The following SIPA1L1 variants were observed in gnomAD, a reference collection of about 807,000 sequenced individuals.
The protein encoded by SIPA1L1 is signal-induced proliferation-associated 1-like protein 1.
Under a neutral mutation model 162.7 loss-of-function variants are expected in SIPA1L1, and 26 were observed. The observed-to-expected ratio is 0.16, with a 90% CI of 0.12 to 0.22. The LOEUF is 0.22. Ranked by LOEUF, SIPA1L1 falls within the 10% of genes least tolerant of loss-of-function variation. The probability of loss-of-function intolerance (pLI) is 1.00; values close to 1 mark genes in which losing one functional copy is unlikely to be tolerated. For missense variants in SIPA1L1, 1,874 were observed against 2,241.0 expected (o/e 0.84, Z 3.31); for synonymous variants, 829 against 837.4 (o/e 0.99, Z 0.17).
intron 2 of SIPA1L1, among the ~76,000 whole-genome samples, chr14:71,417,764 A>G (rs571016222): frequency 1.4e-4 from 22 of 152,236 alleles, no homozygotes; most frequent in African/African-American, 4.3e-4. Context: ...TGAAGGGTCA[A>G]CAGTGCTAGA....
chr14:71,457,030 C>G (rs568305301), intron 2 of SIPA1L1, among the ~76,000 whole-genome samples: 1 of 152,306 alleles, frequency 6.6e-6, no homozygotes, highest in African/African-American at 2.4e-5. Flanking sequence ...AATCCTACTG[C>G]CTTGGCCTCC....
intron 2 of SIPA1L1, among the ~76,000 whole-genome samples, chr14:71,394,391 A>T (rs577157148): frequency 1.5e-3 from 226 of 152,376 alleles, no homozygotes; most frequent in Non-Finnish European, 2.5e-3. Context: ...AATGGTTTGA[A>T]GTTACCAGAA....
intron 2 of SIPA1L1, among the ~76,000 whole-genome samples, chr14:71,455,180 A>T (rs902255723): frequency 6.6e-6 from 1 of 152,224 alleles, no homozygotes; most frequent in Non-Finnish European, 1.5e-5. Flanking sequence ...GTTAACTGTA[A>T]CAAGTTGGTT....
chr14:71,465,372 C>G (rs567535494), intron 2 of SIPA1L1, among the ~76,000 whole-genome samples: 37 of 152,320 alleles, frequency 2.4e-4, no homozygotes, highest in Admixed American at 2.4e-3. Flanking sequence ...AGCCAGGAGA[C>G]AGAATCCCTG....
At chr14:71,466,763 G>A (rs1434462834) in intron 2 of SIPA1L1, among the ~76,000 whole-genome samples, 1 of 152,118 alleles carries the variant, frequency 6.6e-6, no homozygotes, top group East Asian at 1.9e-4. Flanking sequence ...GACTAAAATG[G>A]ATGTTCATGG....
intron 4 of SIPA1L1, among the ~76,000 whole-genome samples, chr14:71,550,297 T>C (rs1051003630): frequency 3.3e-5 from 5 of 152,136 alleles, no homozygotes; most frequent in African/African-American, 7.2e-5. Flanking sequence ...AGGGAAATGA[T>C]GGACAATAAA....
intron 2 of SIPA1L1, among the ~76,000 whole-genome samples, chr14:71,506,108 C>T (rs1595813811): frequency 6.6e-6 from 1 of 151,990 alleles, no homozygotes; most frequent in East Asian, 1.9e-4. Context: ...CACACGTTGT[C>T]CCATTATTGT....
chr14:71,689,202 C>G (rs554374909), intron 13 of SIPA1L1, among the ~76,000 whole-genome samples: 1 of 152,022 alleles, frequency 6.6e-6, no homozygotes, highest in Non-Finnish European at 1.5e-5. Context: ...AATAAAAATT[C>G]TTTAGTTGGA....
At chr14:71,672,750 G>A in intron 12 of SIPA1L1, 128 bp downstream of exon 12, 2 of 1,042,272 alleles carry the variant, frequency 1.9e-6, no homozygotes, top group Non-Finnish European at 2.7e-6. Context: ...GATGCTGAAT[G>A]TTTCATCCAT....
chr14:71,562,299 T>TATA (rs1057360467), intron 4 of SIPA1L1, among the ~76,000 whole-genome samples: 3 of 152,002 alleles, frequency 2.0e-5, no homozygotes, highest in African/African-American at 4.8e-5. Flanking sequence ...ACCCAGTCTT[T>TATA]ATAATAATAA....
At chr14:71,613,749 T>G (rs1352127810) in intron 5 of SIPA1L1, among the ~76,000 whole-genome samples, 4 of 152,236 alleles carry the variant, frequency 2.6e-5, no homozygotes, top group Admixed American at 6.5e-5. Context: ...AAGAACACTT[T>G]GTAATTATGG....
chr14:71,334,700 G>A (rs4902930), intron 2 of SIPA1L1, among the ~76,000 whole-genome samples: 3,462 of 152,150 alleles, frequency 0.023, 124 homozygotes, highest in African/African-American at 0.079. Flanking sequence ...AACAGATAGG[G>A]TCTAATAGGT....
intron 5 of SIPA1L1, among the ~76,000 whole-genome samples, chr14:71,596,284 A>AT (rs1182131356): frequency 6.6e-6 from 1 of 152,218 alleles, no homozygotes; most frequent in East Asian, 1.9e-4. Context: ...GTTGGGGAGT[A>AT]ATAGCCAGGT....
rs751682784 is a variant in SIPA1L1, at chr14:71,735,411, C to T, written c.5123+20C>T. 1.3e-6 allele frequency: 2 copies of T among 1,492,698 alleles called. 1 individual carries two copies. Among genetic ancestry groups the T allele is most frequent in the Admixed American group, 3.3e-5 (2 of 59,828 alleles). 92.5% of individuals were successfully genotyped at this position (1,492,698 alleles called of 1,614,324 possible). On this transcript the variant is annotated intron_variant, in intron 22 of 23. Coordinates refer to ENST00000381232, the MANE Select transcript of SIPA1L1 (RefSeq NM_001386936.1). The stretch of plus-strand genomic sequence containing the variant: ...CAGCAGGTTGGTCCCAGTGCAAGGG[C>T]AGTACTCTGCACCTTGTGTCACATC...
At chr14:71,730,404 T>C in intron 20 of SIPA1L1, 103 bp downstream of exon 20, 3 of 1,343,034 alleles carry the variant, frequency 2.2e-6, no homozygotes, top group Non-Finnish European at 3.1e-6. Context: ...CCTGTATCCA[T>C]GCTCAGATGG....
chr14:71,467,742 A>T (rs540369375), intron 2 of SIPA1L1, among the ~76,000 whole-genome samples: 2 of 151,800 alleles, frequency 1.3e-5, no homozygotes, highest in African/African-American at 4.8e-5. Flanking sequence ...TTGACTGGGC[A>T]TGGTGGCTTA....
At chr14:71,356,567 C>CAAAAAAAAAAAAA (rs71105772) in intron 2 of SIPA1L1, among the ~76,000 whole-genome samples, 4,990 of 39,040 alleles carry the variant, frequency 0.13, 1,889 homozygotes, top group African/African-American at 0.29. Flanking sequence ...CTTGTCTCTA[C>CAAAAAAAAAAAAA]AAAAAAAAAA....
intron 8 of SIPA1L1, among the ~76,000 whole-genome samples, chr14:71,653,865 A>C (rs534176636): frequency 6.6e-6 from 1 of 152,158 alleles, no homozygotes; most frequent in Non-Finnish European, 1.5e-5. Context: ...TAACATGCCC[A>C]TGGTTAGATA....
Position 71,685,472 on chromosome 14 carries a change from C to T in SIPA1L1, c.3215C>T (p.Ala1072Val), listed in dbSNP as rs1287980436. The T allele has an allele frequency of 1.2e-6, 2 of 1,614,226 alleles. No individual in the cohort carries two copies. Among genetic ancestry groups the T allele is most frequent in the Admixed American group, 1.7e-5 (1 of 60,028 alleles). Residue 1072 changes from alanine (A) to valine (V), a missense_variant, in exon 13 of 24, where the codon GCC becomes GTC. Around this residue, in one of 5 missense-constraint regions of SIPA1L1, gnomAD observed 936 missense variants for 1,051.9 expected, o/e 0.89. Coordinates refer to ENST00000381232, the MANE Select transcript of SIPA1L1 (RefSeq NM_001386936.1). ...AATAATAACAAGTGGCAGAGGAACG[C>T]CAGCAAGGGGCCTCATTCACCTCAA... ...FRNNNKWQRN[A>V]SKGPHSPQVP...
Sources: gnomAD v4.1 joint callset for allele counts (sites outside exome capture counted in the v4.1 genomes callset) on GRCh38, gnomAD v4.1.1 for gene constraint, gnomAD v4.1.1 regional missense constraint, MANE v1.5 for transcripts, NCBI Gene and HGNC (gene_info 2026-07-23, HGNC 2026-07-21) for gene names.